The following CDH17 variants were observed in gnomAD, a reference collection of about 807,000 sequenced individuals.
CDH17 encodes cadherin 17.
In CDH17, 67 loss-of-function variants were observed where a neutral mutation model predicts 86.3. That is an observed-to-expected ratio of 0.78 (90% CI 0.64 to 0.95). The LOEUF is 0.95. CDH17 is among the 40% of genes least tolerant of loss of function. The probability of loss-of-function intolerance (pLI) is 0.00; values close to 1 mark genes in which losing one functional copy is unlikely to be tolerated. For missense variants in CDH17, 993 were observed against 1,017.6 expected, an observed-to-expected ratio of 0.98 and a Z score of 0.33; for synonymous variants, 367 against 366.4, an observed-to-expected ratio of 1.00 and a Z score of -0.02.
At chr8:94,149,324 T>C (rs1812814282) in intron 13 of CDH17, among the ~76,000 whole-genome samples, 1 of 152,064 alleles carries the variant, frequency 6.6e-6, no homozygotes, top group Non-Finnish European at 1.5e-5. Flanking sequence ...TGGATACTCA[T>C]AGACCCTGGT....
rs757522033 is a variant in CDH17, at chr8:94,130,741, T to G, written c.2285-2A>C. On this transcript the variant is annotated splice_acceptor_variant, in intron 16 of 17. Transcript: ENST00000027335. LOFTEE classifies it high-confidence loss of function. ...CTTCCACACAACTGCAGAATGTAACTGAAAAGCAGGACAGTATTTGGTAGG... is the reference window on the plus strand; with the variant it reads ...CTTCCACACAACTGCAGAATGTAACGGAAAAGCAGGACAGTATTTGGTAGG... 6.2e-7 allele frequency: 1 copy of G among 1,610,108 alleles called. No homozygotes were observed. The highest frequency in any genetic ancestry group is 8.5e-7 in the Non-Finnish European group (1 of 1,176,336).
intron 9 of CDH17, among the ~76,000 whole-genome samples, chr8:94,169,734 A>C (rs1241798458): frequency 1.3e-5 from 2 of 152,230 alleles, no homozygotes; most frequent in African/African-American, 4.8e-5. Flanking sequence ...AACCCAGAGA[A>C]GCCATAAAAC....
chr8:94,175,455 T>C (rs921419570), intron 5 of CDH17, among the ~76,000 whole-genome samples: 3 of 152,168 alleles, frequency 2.0e-5, no homozygotes, highest in Non-Finnish European at 4.4e-5. Context: ...AGAAGCTTGA[T>C]GGTGGGATGA....
intron 15 of CDH17, among the ~76,000 whole-genome samples, chr8:94,135,112 GCA>G (rs1186486410): frequency 6.6e-6 from 1 of 152,094 alleles, no homozygotes; most frequent in East Asian, 1.9e-4. Flanking sequence ...GTGCTATGTG[GCA>G]CTGAGAAGAA....
chr8:94,175,522 C>G (rs1813355332), intron 5 of CDH17, among the ~76,000 whole-genome samples: 1 of 152,108 alleles, frequency 6.6e-6, no homozygotes, highest in East Asian at 1.9e-4. Flanking sequence ...TTTAAAATTT[C>G]TAATACAGTA....
intron 1 of CDH17, among the ~76,000 whole-genome samples, chr8:94,197,829 T>TAAAAAA (rs34799637): frequency 1.6e-5 from 2 of 121,386 alleles, no homozygotes; most frequent in Non-Finnish European, 3.4e-5. Context: ...AGACTCTGTC[T>TAAAAAA]AAAAAAAAAA....
At chr8:94,173,352 G>A (rs1308697715) in intron 7 of CDH17, among the ~76,000 whole-genome samples, 3 of 152,086 alleles carry the variant, frequency 2.0e-5, no homozygotes, top group African/African-American at 7.2e-5. Context: ...GAGTTCACAT[G>A]AGACCTGGTG....
At chr8:94,211,459 C>A (rs1047067578), upstream of CDH17, among the ~76,000 whole-genome samples, 10 of 152,002 alleles carry the variant, frequency 6.6e-5, no homozygotes, top group African/African-American at 2.4e-4. Context: ...TTACAGGTGC[C>A]CACCACCACA....
In CDH17 at chr8:94,199,161, T is replaced by G. The variant is rs115512097; in HGVS notation, c.-20-4456A>C. ...ATCCTTAAGGGCAGAGGCCTTATTT[T>G]TAACTTATCAGGTCTCTTCATACTA... On this transcript the variant is annotated intron_variant, in intron 1 of 17. Coordinates refer to ENST00000027335, the MANE Select transcript of CDH17 (RefSeq NM_004063.4). Among the ~76,000 whole-genome samples, 718 of 150,556 alleles carry G rather than the reference T, an allele frequency of 4.8e-3. 9 individuals are homozygous for G. The highest frequency in any genetic ancestry group is 0.016 in the African/African-American group (669 of 40,942).
At chr8:94,211,768 T>A (rs982336878), upstream of CDH17, among the ~76,000 whole-genome samples, 4 of 152,238 alleles carry the variant, frequency 2.6e-5, no homozygotes, top group African/African-American at 9.6e-5. Flanking sequence ...CTAACAGAAG[T>A]GTAAAATAAT....
chr8:94,165,552 C>T (rs889475914), intron 10 of CDH17, among the ~76,000 whole-genome samples: 2 of 152,204 alleles, frequency 1.3e-5, no homozygotes, highest in African/African-American at 4.8e-5. Flanking sequence ...CCATAGGACC[C>T]AGACCAACAC....
intron 2 of CDH17, among the ~76,000 whole-genome samples, chr8:94,190,284 A>G (rs1813661957): frequency 6.6e-6 from 1 of 152,248 alleles, no homozygotes; most frequent in Non-Finnish European, 1.5e-5. Flanking sequence ...AGCACCCACC[A>G]GAGCGGGTGA....
chr8:94,200,537 GTTTT>G (rs10600702), intron 1 of CDH17, among the ~76,000 whole-genome samples: 1 of 56,942 alleles, frequency 1.8e-5, no homozygotes, highest in Non-Finnish European at 2.9e-5. Context: ...ATTATCTTTT[GTTTT>G]TTTTTTTTTT....
intron 3 of CDH17, among the ~76,000 whole-genome samples, chr8:94,188,952 G>GCCACCA (rs1267762595): frequency 1.3e-5 from 2 of 152,158 alleles, no homozygotes; most frequent in Non-Finnish European, 2.9e-5. Context: ...TCCCTGCAGA[G>GCCACCA]GGCTGGGAGC....
chr8:94,216,811 A>G (rs1814201995), intron 1 of CDH17, among the ~76,000 whole-genome samples: 1 of 152,182 alleles, frequency 6.6e-6, no homozygotes, highest in African/African-American at 2.4e-5. Flanking sequence ...TCTCAGTACA[A>G]ATAAGTTTTT....
chr8:94,204,076 A>C, intron 1 of CDH17, among the ~76,000 whole-genome samples: 1 of 152,244 alleles, frequency 6.6e-6, no homozygotes, highest in Non-Finnish European at 1.5e-5. Flanking sequence ...GATATAATCA[A>C]TTATAATACA....
chr8:94,208,287 A>G (rs578131534), intron 1 of CDH17, among the ~76,000 whole-genome samples, 196 bp downstream of exon 1: 18 of 152,326 alleles, frequency 1.2e-4, no homozygotes, highest in African/African-American at 3.8e-4. Flanking sequence ...ACCAATGAAA[A>G]GAAACTACAA....
intron 3 of CDH17, among the ~76,000 whole-genome samples, chr8:94,185,132 TCA>T (rs1719338505): frequency 6.6e-6 from 1 of 152,086 alleles, no homozygotes; most frequent in South Asian, 2.1e-4. Flanking sequence ...AACTTAAGCC[TCA>T]GTTTCCCCAT....
At chr8:94,199,887 T>C (rs1813870915) in intron 1 of CDH17, among the ~76,000 whole-genome samples, 1 of 151,914 alleles carries the variant, frequency 6.6e-6, no homozygotes, top group Admixed American at 6.6e-5. Context: ...CCTTCGAGAG[T>C]TAAGAGATTC....
Sources: allele counts gnomAD v4.1 joint callset (sites outside exome capture counted in the v4.1 genomes callset), GRCh38; gene constraint gnomAD v4.1.1; transcripts MANE v1.5; gene names NCBI Gene and HGNC (gene_info 2026-07-23, HGNC 2026-07-21).